Variants in ZMAT1 observed in about 807,000 individuals in gnomAD.
ZMAT1 encodes the protein zinc finger matrin-type protein 1.
In ZMAT1, 11 loss-of-function variants were observed where a neutral mutation model predicts 18.5. That is an observed-to-expected ratio of 0.59 (90% confidence interval 0.37 to 0.98). ZMAT1 has a LOEUF of 0.98. ZMAT1 is among the 50% of genes least tolerant of loss of function. ZMAT1 has a pLI of 0.01. For missense variants in ZMAT1, 525 were observed against 496.2 expected, an observed-to-expected ratio of 1.06 and a Z score of -0.55; for synonymous variants, 211 against 176.4, an observed-to-expected ratio of 1.20 and a Z score of -1.55.
chrX:101,907,882 G>T (rs1411538591), intron 1 of ZMAT1, among the ~76,000 whole-genome samples: 1 of 111,242 alleles, frequency 9.0e-6, no homozygotes, highest in South Asian at 3.7e-4. Context: ...GAAAAAAAAA[G>T]AAAAGAATGA....
intron 1 of ZMAT1, among the ~76,000 whole-genome samples, chrX:101,928,008 C>G: frequency 8.9e-6 from 1 of 111,900 alleles, no homozygotes; most frequent in Non-Finnish European, 1.9e-5. Context: ...AAAACTAATT[C>G]TGTAACAGTT....
chrX:101,929,811 A>G (rs1228710837), intron 1 of ZMAT1, among the ~76,000 whole-genome samples: 1 of 111,668 alleles, frequency 9.0e-6, no homozygotes, highest in African/African-American at 3.3e-5. Context: ...TGTGATGGAA[A>G]GACTATCAAT....
intron 4 of ZMAT1, chrX:101,894,628 G>A: frequency 1.8e-6 from 1 of 564,619 alleles, no homozygotes; most frequent in South Asian, 9.3e-5. Flanking sequence ...GTAAGGTCAA[G>A]GATGAAACCA....
chrX:101,894,959 C>T, intron 4 of ZMAT1: 1 of 625,630 alleles, frequency 1.6e-6, no homozygotes. Flanking sequence ...TGGATCACTC[C>T]AGTCAGGATC....
chrX:101,931,635 G>A (rs1569444904), intron 1 of ZMAT1, 82 bp downstream of exon 1: 4 of 729,021 alleles, frequency 5.5e-6, no homozygotes, highest in South Asian at 6.9e-5. Context: ...GTGGCGAACC[G>A]CGCCCAGCCC....
chrX:101,929,375 G>A (rs1323566250), intron 1 of ZMAT1, among the ~76,000 whole-genome samples: 2 of 99,596 alleles, frequency 2.0e-5, no homozygotes, highest in South Asian at 9.4e-4. Flanking sequence ...CATCATAATT[G>A]ACAACCATTT....
chrX:101,901,063 T>C (rs1928193244), intron 2 of ZMAT1, among the ~76,000 whole-genome samples: 1 of 111,475 alleles, frequency 9.0e-6, no homozygotes, highest in Admixed American at 9.5e-5. Flanking sequence ...TTTTTTTCTT[T>C]GCAGCTATTG....
intron 1 of ZMAT1, among the ~76,000 whole-genome samples, chrX:101,927,620 A>G (rs1011838193): frequency 1.8e-5 from 2 of 112,316 alleles, no homozygotes; most frequent in African/African-American, 6.5e-5. Context: ...CTTCATAATC[A>G]TAAGCACTTT....
In ZMAT1 at chrX:101,883,497, C is replaced by A; in HGVS notation, c.*13G>T. ...TTTTTTCAATTCAACCTTGGGTAAACAAAACTAAACATTCAAAATCCAAGA... is the reference window on the plus strand; with the variant it reads ...TTTTTTCAATTCAACCTTGGGTAAAAAAAACTAAACATTCAAAATCCAAGA... On this transcript the variant is annotated 3_prime_UTR_variant, in exon 6 of 6. Coordinates refer to ENST00000651725, the MANE Select transcript of ZMAT1 (RefSeq NM_001394560.1). The A allele has an allele frequency of 1.8e-6, 2 of 1,119,353 alleles. No individual in the cohort carries two copies. Among genetic ancestry groups the A allele is most frequent in the South Asian group, 2.2e-5 (1 of 44,751 alleles). The allele number at this position is 1,119,353 out of a possible 1,213,427, so 92.2% of individuals were successfully genotyped here. A position where few individuals can be genotyped will look rare whatever the true frequency, so the allele number is the denominator to read the frequency against.
At chrX:101,901,536 C>T (rs1369722764) in intron 2 of ZMAT1, among the ~76,000 whole-genome samples, 1 of 111,474 alleles carries the variant, frequency 9.0e-6, no homozygotes, top group Non-Finnish European at 1.9e-5. Context: ...CCCATACCCA[C>T]TATTCAGTTT....
At chrX:101,921,939 TC>T (rs1929760262) in intron 1 of ZMAT1, among the ~76,000 whole-genome samples, 1 of 111,708 alleles carries the variant, frequency 9.0e-6, no homozygotes, top group African/African-American at 3.3e-5. Flanking sequence ...AATACGTGGT[TC>T]TTTTTGATCT....
chrX:101,915,451 A>G (rs1445423885), intron 1 of ZMAT1: 2 of 111,914 alleles, frequency 1.8e-5, no homozygotes, highest in African/African-American at 6.5e-5. Flanking sequence ...GAAAACCTAT[A>G]GACTCCACAA....
chrX:101,891,156 G>A (rs920806255), intron 4 of ZMAT1, among the ~76,000 whole-genome samples: 5 of 111,396 alleles, frequency 4.5e-5, no homozygotes, highest in Non-Finnish European at 9.4e-5. Flanking sequence ...GGACTAGATG[G>A]GTCTCAGTAG....
chrX:101,890,349 C>T (rs754320173), intron 4 of ZMAT1: 12 of 111,681 alleles, frequency 1.1e-4, no homozygotes, highest in Non-Finnish European at 1.9e-4. Context: ...TATGAGAAAT[C>T]AGAGAAAGGG....
chrX:101,926,371 T>C (rs1398048013), intron 1 of ZMAT1, among the ~76,000 whole-genome samples: 1 of 112,529 alleles, frequency 8.9e-6, no homozygotes, highest in Non-Finnish European at 1.9e-5. Flanking sequence ...GCAGCACTAT[T>C]ATGTGAAAGT....
At chrX:101,907,949 A>C (rs1376246512) in intron 1 of ZMAT1, among the ~76,000 whole-genome samples, 1 of 112,231 alleles carries the variant, frequency 8.9e-6, no homozygotes, top group Non-Finnish European at 1.9e-5. Context: ...ATTAGATAGA[A>C]ACCGTTGAAG....
At chrX:101,905,533 T>G (rs1446428752) in intron 1 of ZMAT1, among the ~76,000 whole-genome samples, 3 of 112,020 alleles carry the variant, frequency 2.7e-5, no homozygotes, top group Non-Finnish European at 5.6e-5. Context: ...GCTTATTAAA[T>G]GAATAAAAAG....
intron 1 of ZMAT1, among the ~76,000 whole-genome samples, chrX:101,929,419 GAGATTATAT>G (rs1347909413): frequency 5.9e-5 from 5 of 85,459 alleles, no homozygotes; most frequent in African/African-American, 2.3e-4. Context: ...TATATAGAGA[GAGATTATAT>G]ATATATATAT....
At chrX:101,915,562 T>TA (rs2147656942) in intron 1 of ZMAT1, 1 of 111,715 alleles carries the variant, frequency 9.0e-6, no homozygotes, top group Non-Finnish European at 1.9e-5. Context: ...ATGAACAATC[T>TA]GAAAAAGAAA....
Sources: allele counts gnomAD v4.1 joint callset (sites outside exome capture counted in the v4.1 genomes callset), GRCh38; gene constraint gnomAD v4.1.1; transcripts MANE v1.5; gene names NCBI Gene and HGNC (gene_info 2026-07-23, HGNC 2026-07-21).